The following KCNQ5 variants were observed in gnomAD, a reference collection of about 807,000 sequenced individuals.
The protein encoded by KCNQ5 is potassium voltage-gated channel subfamily Q member 5, also known as potassium voltage-gated channel subfamily KQT member 5.
A neutral mutation model predicts 98.2 loss-of-function variants in KCNQ5; 30 were observed. That is an observed-to-expected ratio of 0.31 (90% CI 0.23 to 0.41). The LOEUF (loss-of-function observed/expected upper bound fraction) is 0.41. Ranked by LOEUF, KCNQ5 falls within the 10% of genes least tolerant of loss-of-function variation. The pLI, the probability that KCNQ5 is intolerant of heterozygous loss-of-function variation, is 1.00. For missense variants in KCNQ5, 835 were observed against 1,182.5 expected (o/e 0.71, Z 4.31); for synonymous variants, 458 against 449.4 (o/e 1.02, Z -0.24).
chr6:72,752,054 T>C (rs2154476624), intron 1 of KCNQ5, among the ~76,000 whole-genome samples: 1 of 152,224 alleles, frequency 6.6e-6, no homozygotes, highest in East Asian at 1.9e-4. Flanking sequence ...TGCTTCACGT[T>C]GGGGGTAAGC....
chr6:73,160,623 G>C (rs1041417013), intron 10 of KCNQ5, among the ~76,000 whole-genome samples: 1 of 152,164 alleles, frequency 6.6e-6, no homozygotes, highest in South Asian at 2.1e-4. Context: ...TGTCTTGTGA[G>C]GCACGTATGT....
intron 1 of KCNQ5, among the ~76,000 whole-genome samples, chr6:72,804,498 A>G (rs1240576859): frequency 6.6e-6 from 1 of 152,138 alleles, no homozygotes; most frequent in Admixed American, 6.6e-5. Context: ...TGCAAATGAC[A>G]GAATCTCACT....
intron 1 of KCNQ5, among the ~76,000 whole-genome samples, chr6:72,787,759 T>C (rs1231192183): frequency 6.6e-6 from 1 of 152,322 alleles, no homozygotes; most frequent in East Asian, 1.9e-4. Flanking sequence ...TTCACCTCTG[T>C]GACCTTGATG....
intron 1 of KCNQ5, among the ~76,000 whole-genome samples, chr6:72,672,343 G>A (rs180732201): frequency 2.0e-5 from 3 of 151,540 alleles, no homozygotes; most frequent in Admixed American, 6.6e-5. Context: ...AGTGATCCAC[G>A]CATCTCTGCC....
At chr6:73,065,051 G>GA (rs67509032) in intron 3 of KCNQ5, among the ~76,000 whole-genome samples, 4 of 148,886 alleles carry the variant, frequency 2.7e-5, no homozygotes, top group African/African-American at 1.0e-4. Context: ...TGTAGCATGA[G>GA]AAAAAAAAAA....
intron 3 of KCNQ5, among the ~76,000 whole-genome samples, chr6:73,065,962 C>G (rs2150380417): frequency 6.6e-6 from 1 of 152,246 alleles, no homozygotes; most frequent in Admixed American, 6.5e-5. Flanking sequence ...GCCTGGCCAA[C>G]ATGGTGAAAC....
chr6:72,993,994 A>G (rs1199276983), intron 1 of KCNQ5, among the ~76,000 whole-genome samples: 94 of 76,982 alleles, frequency 1.2e-3, no homozygotes, highest in Admixed American at 2.2e-3. Flanking sequence ...TCAGGGACCC[A>G]CTTGAGGAGG....
chr6:72,904,883 G>T (rs1779642168), intron 1 of KCNQ5, among the ~76,000 whole-genome samples: 1 of 152,162 alleles, frequency 6.6e-6, no homozygotes, highest in Non-Finnish European at 1.5e-5. Flanking sequence ...AATTTCCAGG[G>T]TGTTCTTTGT....
chr6:73,144,651 C>T (rs1776851657), intron 10 of KCNQ5, among the ~76,000 whole-genome samples: 1 of 152,178 alleles, frequency 6.6e-6, no homozygotes, highest in Non-Finnish European at 1.5e-5. Context: ...AAACAGCAAC[C>T]ATTTGTTTAG....
chr6:73,111,023 A>C (rs1775223493), intron 6 of KCNQ5, among the ~76,000 whole-genome samples: 1 of 152,240 alleles, frequency 6.6e-6, no homozygotes, highest in African/African-American at 2.4e-5. Context: ...TTTTATTTAT[A>C]ATCATGGTGC....
At chr6:73,129,958 C>A in intron 9 of KCNQ5, 1 of 809,110 alleles carries the variant, frequency 1.2e-6, no homozygotes, top group South Asian at 1.7e-5. Flanking sequence ...GAGACTCACT[C>A]TTTCTAGGGA....
chr6:73,010,629 C>G (rs143435786), intron 2 of KCNQ5, among the ~76,000 whole-genome samples: 74 of 148,420 alleles, frequency 5.0e-4, no homozygotes, highest in African/African-American at 1.7e-3. Flanking sequence ...ATGTAGGAAC[C>G]CCTGAAGATT....
chr6:73,154,290 A>T (rs1032449323), intron 10 of KCNQ5, among the ~76,000 whole-genome samples: 2 of 152,178 alleles, frequency 1.3e-5, no homozygotes, highest in Non-Finnish European at 2.9e-5. Context: ...ATCTCCTAAG[A>T]TTCAGAATTG....
chr6:73,128,600 C>T (rs528035628), intron 9 of KCNQ5, among the ~76,000 whole-genome samples: 2 of 152,314 alleles, frequency 1.3e-5, no homozygotes, highest in African/African-American at 4.8e-5. Flanking sequence ...GCTACAAAAA[C>T]AGATTATATT....
intron 9 of KCNQ5, among the ~76,000 whole-genome samples, chr6:73,124,964 T>C (rs1475770157): frequency 2.5e-4 from 5 of 19,666 alleles, no homozygotes; most frequent in Admixed American, 9.4e-4. Context: ...TATATATATA[T>C]ATATATATAT....
chr6:72,739,581 T>C (rs969199597), intron 1 of KCNQ5, among the ~76,000 whole-genome samples: 1 of 152,228 alleles, frequency 6.6e-6, no homozygotes, highest in African/African-American at 2.4e-5. Context: ...TTAAAACCTA[T>C]TCTTTCTTAG....
rs146580787 is a variant in KCNQ5, at chr6:72,850,061, T to G, written c.399-153847T>G. ...TTCCTCCTTGCACACTTAGTCAATT[T>G]ATGAATTTTTAAGACAAGAAATTTT... is the stretch of plus-strand genomic sequence containing the variant. On this transcript the variant is annotated intron_variant, in intron 1 of 13. Coordinates refer to ENST00000370398, the MANE Select transcript of KCNQ5 (RefSeq NM_019842.4). 5.9e-5 allele frequency among the ~76,000 whole-genome samples: 9 copies of G among 152,306 alleles called. No homozygotes were observed. The East Asian group carries it at 1.7e-3, about 29-fold the overall frequency.
In KCNQ5 at chr6:73,129,687, T is replaced by C. The variant is rs1056073145; in HGVS notation, c.1248-3734T>C. On this transcript the variant is annotated intron_variant, in intron 9 of 13. Coordinates refer to ENST00000370398, the MANE Select transcript of KCNQ5 (RefSeq NM_019842.4). Reference sequence around the variant, plus strand: ...TTAAATAGTCTGTGTACTTCTATATTAAAAACAATAAAGCCAAATGGCTTT... The same window carrying C: ...TTAAATAGTCTGTGTACTTCTATATCAAAAACAATAAAGCCAAATGGCTTT... 4.5e-6 allele frequency: 4 copies of C among 895,280 alleles called. No individual in the cohort carries two copies. The African/African-American group carries it at 5.0e-5, about 11-fold the overall frequency. 55.5% of individuals were successfully genotyped at this position (895,280 alleles called of 1,614,324 possible).
At chr6:72,883,778 C>T (rs932629146) in intron 1 of KCNQ5, among the ~76,000 whole-genome samples, 6 of 152,098 alleles carry the variant, frequency 3.9e-5, no homozygotes, top group Middle Eastern at 3.4e-3. Flanking sequence ...CAGGCGGCCA[C>T]CTGGGCTGCC....
Sources: allele counts gnomAD v4.1 joint callset (sites outside exome capture counted in the v4.1 genomes callset), GRCh38; gene constraint gnomAD v4.1.1; transcripts MANE v1.5; gene names NCBI Gene and HGNC (gene_info 2026-07-23, HGNC 2026-07-21).